The following RPL15 variants were observed in gnomAD, a reference collection of about 807,000 sequenced individuals.
The protein encoded by RPL15 is ribosomal protein L15, also known as large ribosomal subunit protein eL15.
For missense variants in RPL15, 161 were observed against 271.8 expected (o/e 0.59, Z 2.87); for synonymous variants, 97 against 95.1 (o/e 1.02, Z -0.12).
chr3:23,919,040 C>T (rs547900857), intron 3 of RPL15, 156 bp from the exon 4 acceptor site: 1 of 621,836 alleles, frequency 1.6e-6, no homozygotes, highest in Non-Finnish European at 2.8e-6. Context: ...TATCTCATTA[C>T]ACTTGTGATA....
chr3:23,922,388 GTTTA>G (rs1302169817), downstream of RPL15: 1 of 152,154 alleles, frequency 6.6e-6, no homozygotes, highest in Non-Finnish European at 1.5e-5. This position sits in a 1 kb window ranked among gnomAD's most constrained non-coding sequence, Gnocchi z 4.2. Context: ...TACACTTAAA[GTTTA>G]TTTGTTTTGT....
Position 23,919,758 on chromosome 3 carries a change from T to A in RPL15, c.*257T>A. The stretch of plus-strand genomic sequence containing the variant: ...AGTGTATAAAACATACTGTGTGGTA[T>A]AACAGGCTTAATAAATTCTTTAAAA... On this transcript the variant is annotated 3_prime_UTR_variant, in exon 4 of 4. Coordinates refer to ENST00000307839, the MANE Select transcript of RPL15 (RefSeq NM_002948.5). 1 of 1,197,120 alleles carries A rather than the reference T, an allele frequency of 8.4e-7. No individual in the cohort carries two copies. Among genetic ancestry groups the A allele is most frequent in the Non-Finnish European group, 1.0e-6 (1 of 964,590 alleles). The allele number at this position is 1,197,120 out of a possible 1,614,324, so 74.2% of individuals were successfully genotyped here.
intron 1 of RPL15, 152 bp from the exon 2 acceptor site, chr3:23,917,697 TG>T: frequency 1.4e-6 from 1 of 707,974 alleles, no homozygotes; most frequent in Non-Finnish European, 2.3e-6. Flanking sequence ...GGCGCAGTGG[TG>T]GGGGTTGGGC....
At chr3:23,924,618 T>C (rs1481510629), downstream of RPL15, among the ~76,000 whole-genome samples, 1 of 152,184 alleles carries the variant, frequency 6.6e-6, no homozygotes, top group African/African-American at 2.4e-5. Flanking sequence ...CAGGCTGGTC[T>C]ATTACCCCTG....
Position 23,919,744 on chromosome 3 carries a change from C to A in RPL15, c.*243C>A. The A allele has an allele frequency of 7.7e-7, 1 of 1,295,110 alleles. No individual in the cohort carries two copies. Among genetic ancestry groups the A allele is most frequent in the Non-Finnish European group, 9.8e-7 (1 of 1,023,078 alleles). The allele number at this position is 1,295,110 out of a possible 1,614,324, so 80.2% of individuals were successfully genotyped here. Reference sequence around the variant, plus strand: ...GGGAGTTGTATGTCAGTGTATAAAACATACTGTGTGGTATAACAGGCTTAA... The same window carrying A: ...GGGAGTTGTATGTCAGTGTATAAAAAATACTGTGTGGTATAACAGGCTTAA... On this transcript the variant is annotated 3_prime_UTR_variant, in exon 4 of 4. Coordinates refer to ENST00000307839, the MANE Select transcript of RPL15 (RefSeq NM_002948.5).
rs1341466043 is a variant in RPL15, at chr3:23,917,917, C to G, written c.58C>G (p.Arg20Gly). The G allele has an allele frequency of 6.2e-7, 1 of 1,613,512 alleles. No homozygotes were observed. The highest frequency in any genetic ancestry group is 8.5e-7 in the Non-Finnish European group (1 of 1,179,686). ...LWRKKQSDVMRFLLRVRCWQY... is the reference protein window; with the variant it reads ...LWRKKQSDVMGFLLRVRCWQY... ...GAGAAAGAAGCAGTCTGATGTCATG[C>G]GCTTTCTTCTGAGGGTCCGCTGCTG... Residue 20 changes from arginine to glycine, a missense_variant, in exon 2 of 4, where the codon CGC becomes GGC. Transcript: ENST00000307839.
At chr3:23,916,889 C>T (rs1201791297), upstream of RPL15, 6 of 152,794 alleles carry the variant, frequency 3.9e-5, no homozygotes, top group African/African-American at 1.4e-4. Flanking sequence ...AGACAGTCGC[C>T]GACGCTCGCT....
At chr3:23,917,745 T>C in intron 1 of RPL15, 105 bp from the exon 2 acceptor site, 1 of 1,181,000 alleles carries the variant, frequency 8.5e-7, no homozygotes. Context: ...GCCATTTTCA[T>C]TCCCGGCGGT....
downstream of RPL15, chr3:23,921,747 G>A: frequency 1.6e-6 from 1 of 608,560 alleles, no homozygotes; most frequent in Non-Finnish European, 2.9e-6. Context: ...GCTAAGTTTT[G>A]TATTTTTAGT....
intron 1 of RPL15, 160 bp from the exon 2 acceptor site, chr3:23,917,690 G>C (rs2125250135): frequency 1.5e-6 from 1 of 665,432 alleles, no homozygotes; most frequent in Non-Finnish European, 2.5e-6. Flanking sequence ...CTCCGTGGGC[G>C]CAGTGGTGGG....
intron 2 of RPL15, 75 bp downstream of exon 2, chr3:23,918,106 A>G (rs1704773646): frequency 9.8e-6 from 15 of 1,523,766 alleles, no homozygotes; most frequent in Non-Finnish European, 1.2e-5. Context: ...TTAGGAAGAC[A>G]CTGCTGCCTC....
chr3:23,921,375 G>A (rs1055392126), downstream of RPL15, among the ~76,000 whole-genome samples: 1 of 152,106 alleles, frequency 6.6e-6, no homozygotes, highest in African/African-American at 2.4e-5. Context: ...TCCTACTGCA[G>A]TCCACACCCC....
chr3:23,921,694 C>G (rs1705092861), downstream of RPL15: 1 of 661,342 alleles, frequency 1.5e-6, no homozygotes, highest in Admixed American at 2.5e-5. Flanking sequence ...TCTGCCTCGG[C>G]CTCCCAAATA....
At chr3:23,916,733 C>G (rs1348406281), upstream of RPL15, 7 of 152,674 alleles carry the variant, frequency 4.6e-5, no homozygotes, top group East Asian at 1.3e-3. Context: ...CGCGGAGACG[C>G]GGAGACGCAG....
rs1432643485 is a variant in RPL15, at chr3:23,920,336, ACT to A, written c.*838_*839del. Reference sequence around the variant, plus strand: ...GTCTTAAAAACATCTTGGGTTACCCACTCTGTCCACTCCCATAGGCTACAGAA... The same window carrying A: ...GTCTTAAAAACATCTTGGGTTACCCACTGTCCACTCCCATAGGCTACAGAA... On this transcript the variant is annotated 3_prime_UTR_variant, in exon 4 of 4. Coordinates refer to ENST00000307839, the MANE Select transcript of RPL15 (RefSeq NM_002948.5). 1 of 985,376 alleles carries A rather than the reference ACT, an allele frequency of 1.0e-6. No homozygotes were observed. Among genetic ancestry groups the A allele is most frequent in the Non-Finnish European group, 1.2e-6 (1 of 829,890 alleles). 61.0% of individuals were successfully genotyped at this position (985,376 alleles called of 1,614,324 possible). A position where few individuals can be genotyped will look rare whatever the true frequency, so the allele number is the denominator to read the frequency against.
Position 23,919,011 on chromosome 3 carries a change from T to C in RPL15, c.310-185T>C, listed in dbSNP as rs1171152225. The C allele has an allele frequency of 8.3e-6, 5 of 605,072 alleles. No homozygotes were observed. In the African/African-American group the frequency reaches 9.3e-5, roughly 11 times the overall value. The allele number at this position is 605,072 out of a possible 1,614,324, so 37.5% of individuals were successfully genotyped here. ...ATGATGTGTTTCAGTCTATGTGTGT[T>C]GTTTTAGCAAGTCTACATTATCTCA... On this transcript the variant is annotated intron_variant, in intron 3 of 3. Coordinates refer to ENST00000307839, the MANE Select transcript of RPL15 (RefSeq NM_002948.5).
upstream of RPL15, chr3:23,916,737 G>GACGCGGAGA (rs1286715039): frequency 2.0e-5 from 3 of 152,682 alleles, no homozygotes; most frequent in African/African-American, 7.2e-5. Flanking sequence ...GAGACGCGGA[G>GACGCGGAGA]ACGCAGAGAC....
In RPL15 at chr3:23,917,889, A is replaced by G; in HGVS notation, c.30A>G (p.Leu10=). The G allele has an allele frequency of 1.2e-6, 2 of 1,611,646 alleles. No individual in the cohort carries two copies. The highest frequency in any genetic ancestry group is 8.5e-7 in the Non-Finnish European group (1 of 1,179,380). Reference sequence around the variant, plus strand: ...GTGCATACAAGTACATCCAGGAGCTATGGAGAAAGAAGCAGTCTGATGTCA... The same window carrying G: ...GTGCATACAAGTACATCCAGGAGCTGTGGAGAAAGAAGCAGTCTGATGTCA... MGAYKYIQE[L]WRKKQSDVMR... is the part of the protein sequence containing the mutation. Residue 10 remains leucine, a synonymous_variant, in exon 2 of 4, where the codon CTA becomes CTG. Transcript: ENST00000307839.
At chr3:23,919,146 T>A (rs755545221) in intron 3 of RPL15, 50 bp from the exon 4 acceptor site, 1 of 1,274,024 alleles carries the variant, frequency 7.8e-7, no homozygotes, top group South Asian at 1.2e-5. Flanking sequence ...TCTGACTTGC[T>A]GCTATAGGCA....
Sources: allele counts gnomAD v4.1 joint callset (sites outside exome capture counted in the v4.1 genomes callset), GRCh38; gene constraint gnomAD v4.1.1; non-coding constraint Gnocchi (gnomAD v3.1); transcripts MANE v1.5; gene names NCBI Gene and HGNC (gene_info 2026-07-23, HGNC 2026-07-21).